DACH1: variants seen among roughly 807,000 people sequenced by gnomAD.
DACH1 encodes dachshund family transcription factor 1, also known as dachshund homolog 1.
Under a neutral mutation model 54.2 loss-of-function variants are expected in DACH1, and 12 were observed. The ratio of observed to expected loss-of-function variants is 0.22; its 90% CI spans 0.14 to 0.36. The LOEUF is 0.36. Among genes scored for constraint, DACH1 ranks in the 10% least tolerant of loss-of-function variants. The pLI is 1.00. For missense variants in DACH1, 805 were observed against 929.8 expected (o/e 0.87, Z 1.75); for synonymous variants, 386 against 366.2 (o/e 1.05, Z -0.62).
chr13:71,525,790 G>T (rs1881913881), intron 6 of DACH1, among the ~76,000 whole-genome samples: 1 of 151,856 alleles, frequency 6.6e-6, no homozygotes, highest in Non-Finnish European at 1.5e-5. Context: ...TAGTATTTTT[G>T]GAATGAAGCT....
intron 6 of DACH1, among the ~76,000 whole-genome samples, chr13:71,529,981 TA>T (rs1389556068): frequency 1.3e-5 from 2 of 152,172 alleles, no homozygotes; most frequent in African/African-American, 4.8e-5. Flanking sequence ...AGGTAGCAGT[TA>T]AAAAATGATA....
intron 6 of DACH1, among the ~76,000 whole-genome samples, chr13:71,513,935 C>G (rs900711973): frequency 6.6e-6 from 1 of 152,006 alleles, no homozygotes; most frequent in African/African-American, 2.4e-5. Context: ...TCAGTGAACA[C>G]TCATTTACCT....
chr13:71,498,435 T>TAA (rs1011474047), intron 6 of DACH1, among the ~76,000 whole-genome samples: 1 of 152,200 alleles, frequency 6.6e-6, no homozygotes, highest in African/African-American at 2.4e-5. Flanking sequence ...ATAGTAAAAC[T>TAA]AAAAATACCT....
intron 1 of DACH1, among the ~76,000 whole-genome samples, chr13:71,830,840 A>C (rs1447484436): frequency 6.6e-6 from 1 of 151,858 alleles, no homozygotes; most frequent in East Asian, 1.9e-4. Flanking sequence ...TATTCTTAGC[A>C]ATAACACCTC....
At chr13:71,588,479 A>G (rs1041609737) in intron 3 of DACH1, among the ~76,000 whole-genome samples, 1 of 152,090 alleles carries the variant, frequency 6.6e-6, no homozygotes, top group African/African-American at 2.4e-5. Flanking sequence ...AACCAAAAGC[A>G]AATATGGAAA....
rs530672616 is a variant in DACH1 at position 71,866,406 on chromosome 13, TGCCGCCGCCGCC to T, written c.352_363del (p.Gly118_Gly121del). 61 of 1,421,422 alleles carry T rather than the reference TGCCGCCGCCGCC, an allele frequency of 4.3e-5. No homozygotes were observed. In the East Asian group the frequency reaches 8.9e-4, roughly 21 times the overall value. The allele number at this position is 1,421,422 out of a possible 1,614,324, so 88.1% of individuals were successfully genotyped here. ...GAAGCGACGCCGCCGCCAGCGCTGATGCCGCCGCCGCCGCCGCCGCTGCCGTTGCTCGCGGCC... is the reference window on the plus strand; with the variant it reads ...GAAGCGACGCCGCCGCCAGCGCTGATGCCGCCGCTGCCGTTGCTCGCGGCC... On this transcript the variant is annotated inframe_deletion, in exon 1 of 11. Coordinates refer to ENST00000613252, the MANE Select transcript of DACH1 (RefSeq NM_080759.6).
intron 2 of DACH1, among the ~76,000 whole-genome samples, chr13:71,635,462 T>A (rs1401941587): frequency 6.6e-6 from 1 of 152,236 alleles, no homozygotes; most frequent in East Asian, 1.9e-4. Context: ...TCTCATTGTA[T>A]ATGTTGTTCC....
intron 1 of DACH1, among the ~76,000 whole-genome samples, chr13:71,852,827 T>G (rs2138268806): frequency 6.6e-6 from 1 of 152,304 alleles, no homozygotes; most frequent in South Asian, 2.1e-4. Flanking sequence ...TTCTTTGGAT[T>G]TCAGCCTTGT....
intron 10 of DACH1, among the ~76,000 whole-genome samples, chr13:71,453,292 T>C (rs1009514296): frequency 6.6e-6 from 1 of 152,198 alleles, no homozygotes; most frequent in Admixed American, 6.5e-5. Context: ...AATCTGATCC[T>C]AAGTAATGAA....
At chr13:71,642,806 A>G (rs956316425) in intron 2 of DACH1, among the ~76,000 whole-genome samples, 2 of 152,116 alleles carry the variant, frequency 1.3e-5, no homozygotes, top group African/African-American at 4.8e-5. Flanking sequence ...AGATCACTTG[A>G]GGTCAGGAGT....
At chr13:71,817,176 T>C (rs1439629998) in intron 1 of DACH1, among the ~76,000 whole-genome samples, 1 of 152,134 alleles carries the variant, frequency 6.6e-6, no homozygotes, top group African/African-American at 2.4e-5. Flanking sequence ...ATATATAATG[T>C]TAGAACTGGA....
At chr13:71,441,157 C>T (rs79757294) in intron 10 of DACH1, among the ~76,000 whole-genome samples, 1,573 of 152,160 alleles carry the variant, frequency 0.01, 28 homozygotes, top group African/African-American at 0.035. Context: ...TGTGCACATT[C>T]GTTGCTATTT....
intron 10 of DACH1, among the ~76,000 whole-genome samples, 175 bp from the exon 11 acceptor site, chr13:71,440,867 G>A (rs1873952322): frequency 1.3e-5 from 2 of 151,932 alleles, no homozygotes; most frequent in Admixed American, 1.3e-4. Context: ...ATTACACTGA[G>A]TTTATGTGAC....
intron 1 of DACH1, among the ~76,000 whole-genome samples, chr13:71,691,095 T>C (rs555271135): frequency 1.3e-5 from 2 of 152,210 alleles, no homozygotes; most frequent in Non-Finnish European, 2.9e-5. Context: ...TGGTCTTTCA[T>C]TTCAATGGCA....
At chr13:71,591,349 A>G (rs1369358805) in intron 3 of DACH1, among the ~76,000 whole-genome samples, 1 of 152,182 alleles carries the variant, frequency 6.6e-6, no homozygotes, top group Non-Finnish European at 1.5e-5. Context: ...ATAGATCTAC[A>G]TATCAGTGAT....
chr13:71,515,954 G>A (rs1252072865), intron 6 of DACH1, among the ~76,000 whole-genome samples: 1 of 151,806 alleles, frequency 6.6e-6, no homozygotes. Flanking sequence ...CTCTGTCAGA[G>A]CACAACGATT....
At chr13:71,594,086 CTAAT>C (rs1873919297) in intron 3 of DACH1, among the ~76,000 whole-genome samples, 1 of 151,182 alleles carries the variant, frequency 6.6e-6, no homozygotes, top group South Asian at 2.1e-4. Flanking sequence ...TAAATAAAAT[CTAAT>C]TAGTAAAGAC....
chr13:71,473,198 G>A (rs1008009253), intron 10 of DACH1, among the ~76,000 whole-genome samples: 2 of 152,084 alleles, frequency 1.3e-5, no homozygotes, highest in Non-Finnish European at 2.9e-5. Context: ...GTACAACAAT[G>A]GACAGGCTGA....
intron 2 of DACH1, among the ~76,000 whole-genome samples, chr13:71,651,454 G>T (rs1334454088): frequency 2.6e-5 from 4 of 151,918 alleles, no homozygotes; most frequent in African/African-American, 9.7e-5. Context: ...TAACTCTGGG[G>T]GTTCAAGATC....
Sources: allele counts gnomAD v4.1 joint callset (sites outside exome capture counted in the v4.1 genomes callset), GRCh38; gene constraint gnomAD v4.1.1; transcripts MANE v1.5; gene names NCBI Gene and HGNC (gene_info 2026-07-23, HGNC 2026-07-21).